Variants in SHC4 observed in about 807,000 individuals in gnomAD.
SHC4 encodes SHC-transforming protein 4.
In SHC4, 41 loss-of-function variants were observed where a neutral mutation model predicts 69.4. That is an observed-to-expected ratio of 0.59 (90% CI 0.46 to 0.77). SHC4 has a LOEUF of 0.77. Ranked by LOEUF, SHC4 falls within the 30% of genes least tolerant of loss-of-function variation. The pLI is 0.00. For synonymous variants in SHC4, 318 were observed against 299.3 expected (o/e 1.06, Z -0.64); for missense variants, 777 against 783.8 (o/e 0.99, Z 0.10).
At chr15:48,928,883 C>T (rs1900903440) in intron 1 of SHC4, among the ~76,000 whole-genome samples, 1 of 152,074 alleles carries the variant, frequency 6.6e-6, no homozygotes, top group Admixed American at 6.6e-5. Context: ...AGCAAATTAA[C>T]AAGTAAATCA....
intron 6 of SHC4, among the ~76,000 whole-genome samples, chr15:48,865,200 T>C (rs1249599935): frequency 1.3e-5 from 2 of 152,204 alleles, no homozygotes; most frequent in Non-Finnish European, 2.9e-5. Context: ...ATTATTTGTG[T>C]ATTCAAAAGC....
At chr15:48,895,172 T>C (rs944666614) in intron 2 of SHC4, among the ~76,000 whole-genome samples, 1 of 152,128 alleles carries the variant, frequency 6.6e-6, no homozygotes. Context: ...CATCATTTCA[T>C]TGAGTCATAA....
chr15:48,941,168 G>A (rs557561658), intron 1 of SHC4, among the ~76,000 whole-genome samples: 2 of 152,310 alleles, frequency 1.3e-5, no homozygotes, highest in African/African-American at 2.4e-5. Context: ...ACAAAAGTCA[G>A]AGATGTACAA....
At chr15:48,866,704 C>G (rs1319178979) in intron 6 of SHC4, among the ~76,000 whole-genome samples, 1 of 152,178 alleles carries the variant, frequency 6.6e-6, no homozygotes, top group African/African-American at 2.4e-5. Context: ...TATTTATTTA[C>G]TCCCCAGCAT....
intron 1 of SHC4, among the ~76,000 whole-genome samples, chr15:48,951,675 G>A (rs1314660374): frequency 6.6e-6 from 1 of 151,990 alleles, no homozygotes; most frequent in African/African-American, 2.4e-5. Flanking sequence ...CTTTGCCTAG[G>A]ATGTTCTCTC....
chr15:48,912,418 CCA>C (rs1247817071), intron 2 of SHC4, among the ~76,000 whole-genome samples: 1 of 152,142 alleles, frequency 6.6e-6, no homozygotes, highest in African/African-American at 2.4e-5. Flanking sequence ...AAAAGTGTGT[CCA>C]CAGTTTCCTG....
intron 4 of SHC4, among the ~76,000 whole-genome samples, chr15:48,881,627 C>T (rs975952572): frequency 7.2e-5 from 11 of 152,168 alleles, no homozygotes; most frequent in Admixed American, 6.5e-5. Flanking sequence ...CTCTATTACC[C>T]TTCTGAATTC....
chr15:48,899,304 T>G (rs1187426612), intron 2 of SHC4, among the ~76,000 whole-genome samples: 1 of 151,952 alleles, frequency 6.6e-6, no homozygotes, highest in East Asian at 1.9e-4. Flanking sequence ...CCATCTCTAG[T>G]AAAAATACAA....
At chr15:48,957,354 A>G (rs1901473296) in intron 1 of SHC4, among the ~76,000 whole-genome samples, 1 of 152,198 alleles carries the variant, frequency 6.6e-6, no homozygotes, top group Non-Finnish European at 1.5e-5. Flanking sequence ...GCTTAGTGTC[A>G]GAGCCGTTAC....
At chr15:48,931,618 C>T (rs988389118) in intron 1 of SHC4, among the ~76,000 whole-genome samples, 1 of 152,158 alleles carries the variant, frequency 6.6e-6, no homozygotes, top group South Asian at 2.1e-4. Context: ...GCACACTACC[C>T]CCAGCATTTA....
In SHC4 at chr15:48,867,876, A is replaced by C; in HGVS notation, c.895-7T>G. On this transcript the variant is annotated splice_region_variant and splice_polypyrimidine_tract_variant and intron_variant, in intron 5 of 11. Coordinates refer to ENST00000332408, the MANE Select transcript of SHC4 (RefSeq NM_203349.4). ...CAACATAGTCTGTAGTATCCTATAAAAAAGGGAAAATGACTGTATTTAAAA... is the reference window on the plus strand; with the variant it reads ...CAACATAGTCTGTAGTATCCTATAACAAAGGGAAAATGACTGTATTTAAAA... The C allele has an allele frequency of 6.2e-7, 1 of 1,610,380 alleles. No individual in the cohort carries two copies. The highest frequency in any genetic ancestry group is 8.5e-7 in the Non-Finnish European group (1 of 1,177,342).
At chr15:48,918,263 T>C (rs1416532777) in intron 2 of SHC4, among the ~76,000 whole-genome samples, 1 of 152,002 alleles carries the variant, frequency 6.6e-6, no homozygotes, top group African/African-American at 2.4e-5. Context: ...TTGATTTGAG[T>C]GTGGTGTTAA....
intron 3 of SHC4, among the ~76,000 whole-genome samples, chr15:48,889,825 CAG>C (rs1172324789): frequency 6.6e-6 from 1 of 152,216 alleles, no homozygotes; most frequent in Non-Finnish European, 1.5e-5. Context: ...ACCTGGGCAA[CAG>C]AGCGAGACTC....
At chr15:48,956,068 C>T (rs560457604) in intron 1 of SHC4, among the ~76,000 whole-genome samples, 38 of 152,124 alleles carry the variant, frequency 2.5e-4, no homozygotes, top group Non-Finnish European at 3.7e-4. Flanking sequence ...AACAGGGGAA[C>T]GGGTCAAACC....
chr15:48,883,407 A>T (rs769987234), intron 4 of SHC4, among the ~76,000 whole-genome samples: 1 of 152,206 alleles, frequency 6.6e-6, no homozygotes, highest in Non-Finnish European at 1.5e-5. Context: ...ACCCATATGT[A>T]ACCTCAGACT....
intron 2 of SHC4, among the ~76,000 whole-genome samples, chr15:48,923,222 C>G (rs968606727): frequency 6.6e-6 from 1 of 152,020 alleles, no homozygotes; most frequent in African/African-American, 2.4e-5. Flanking sequence ...TTCTGTTATA[C>G]GAGAAAAGGA....
intron 2 of SHC4, among the ~76,000 whole-genome samples, chr15:48,920,655 A>G (rs558651589): frequency 2.0e-5 from 3 of 152,350 alleles, no homozygotes; most frequent in East Asian, 3.9e-4. Context: ...CTGCAGAGCC[A>G]TCCAGCAATA....
intron 6 of SHC4, among the ~76,000 whole-genome samples, chr15:48,860,491 G>GT (rs1342986492): frequency 2.6e-5 from 4 of 152,078 alleles, no homozygotes; most frequent in African/African-American, 9.6e-5. Context: ...TGGGCGACGA[G>GT]TGAAACTCCA....
intron 2 of SHC4, among the ~76,000 whole-genome samples, chr15:48,899,450 A>G (rs1900279300): frequency 6.6e-6 from 1 of 152,174 alleles, no homozygotes; most frequent in South Asian, 2.1e-4. Context: ...TGGGTGACAG[A>G]GCAACCCTCC....
Sources: gnomAD v4.1 joint callset for allele counts (sites outside exome capture counted in the v4.1 genomes callset) on GRCh38, gnomAD v4.1.1 for gene constraint, MANE v1.5 for transcripts, NCBI Gene and HGNC (gene_info 2026-07-23, HGNC 2026-07-21) for gene names.